The following XRCC4 variants were observed in gnomAD, a reference collection of about 807,000 sequenced individuals.
XRCC4 encodes DNA repair protein XRCC4.
In XRCC4, 28 loss-of-function variants were observed where a neutral mutation model predicts 39.1. The observed-to-expected ratio is 0.72, with a 90% CI of 0.53 to 0.98. The LOEUF (loss-of-function observed/expected upper bound fraction) is 0.98. Among genes scored for constraint, XRCC4 ranks in the 50% least tolerant of loss-of-function variants. The probability of loss-of-function intolerance (pLI) is 0.00; values close to 1 mark genes in which losing one functional copy is unlikely to be tolerated. For missense variants in XRCC4, 350 were observed against 376.4 expected (o/e 0.93, Z 0.58); for synonymous variants, 123 against 126.4 (o/e 0.97, Z 0.18).
intron 7 of XRCC4, among the ~76,000 whole-genome samples, chr5:83,309,296 A>AAAATATAT (rs1561467702): frequency 5.5e-5 from 4 of 72,218 alleles, no homozygotes; most frequent in African/African-American, 2.6e-4. Flanking sequence ...AAAAAAAAAA[A>AAAATATAT]ATATATATAT....
At chr5:83,188,746 A>T (rs771666704) in intron 3 of XRCC4, among the ~76,000 whole-genome samples, 7 of 152,158 alleles carry the variant, frequency 4.6e-5, no homozygotes, top group Non-Finnish European at 7.3e-5. Flanking sequence ...GGCAGTTTTC[A>T]GCTTATTTTT....
intron 1 of XRCC4, among the ~76,000 whole-genome samples, chr5:83,092,527 T>G (rs182423421): frequency 1.8e-3 from 269 of 152,216 alleles, no homozygotes; most frequent in African/African-American, 6.2e-3. Context: ...GTGTGTAGAG[T>G]AATTTTATTC....
chr5:83,124,640 G>A (rs1048631752), intron 3 of XRCC4, among the ~76,000 whole-genome samples: 1 of 152,112 alleles, frequency 6.6e-6, no homozygotes, highest in Non-Finnish European at 1.5e-5. Context: ...TTAGTACAAG[G>A]GTTGGCAAAC....
chr5:83,348,016 T>C (rs1756966537), intron 7 of XRCC4, among the ~76,000 whole-genome samples: 1 of 152,144 alleles, frequency 6.6e-6, no homozygotes, highest in Admixed American at 6.5e-5. Context: ...TGACTCCATG[T>C]CTCACATCCA....
intron 3 of XRCC4, among the ~76,000 whole-genome samples, chr5:83,130,534 A>G (rs1747518528): frequency 6.6e-6 from 1 of 152,168 alleles, no homozygotes; most frequent in Non-Finnish European, 1.5e-5. Flanking sequence ...GAGTAGTTTC[A>G]GAAGGAATGG....
intron 7 of XRCC4, among the ~76,000 whole-genome samples, chr5:83,260,429 G>A (rs1753709319): frequency 6.6e-6 from 1 of 152,028 alleles, no homozygotes; most frequent in African/African-American, 2.4e-5. Flanking sequence ...CACAGCTCCT[G>A]TCCTCATGGA....
intron 7 of XRCC4, among the ~76,000 whole-genome samples, chr5:83,295,725 C>T (rs11954145): frequency 0.016 from 2,364 of 152,088 alleles, 65 homozygotes; most frequent in African/African-American, 0.053. Flanking sequence ...TGCACGCACA[C>T]GCACACGCAC....
intron 1 of XRCC4, among the ~76,000 whole-genome samples, chr5:83,102,978 A>G (rs865798566): frequency 2.9e-5 from 4 of 138,072 alleles, no homozygotes; most frequent in South Asian, 2.4e-4. Context: ...GTTAGTTGCT[A>G]TATTCATAGG....
intron 3 of XRCC4, among the ~76,000 whole-genome samples, chr5:83,161,179 C>T (rs992560240): frequency 1.4e-5 from 2 of 148,016 alleles, no homozygotes; most frequent in Admixed American, 6.9e-5. Context: ...GGTGTGATTT[C>T]GGCTCACTGC....
intron 3 of XRCC4, among the ~76,000 whole-genome samples, chr5:83,129,242 C>T (rs922886235): frequency 6.3e-5 from 9 of 142,196 alleles, no homozygotes; most frequent in East Asian, 2.0e-4. Flanking sequence ...AATCCTTTCC[C>T]CATTGCTTGT....
At chr5:83,134,699 T>TG (rs1273905840) in intron 3 of XRCC4, among the ~76,000 whole-genome samples, 1 of 152,180 alleles carries the variant, frequency 6.6e-6, no homozygotes, top group Non-Finnish European at 1.5e-5. Context: ...CGGGTACCCT[T>TG]GCGTGTTGTG....
At chr5:83,095,947 G>T (rs12109517) in intron 1 of XRCC4, among the ~76,000 whole-genome samples, 73,470 of 151,522 alleles carry the variant, frequency 0.48, 18,541 homozygotes, top group African/African-American at 0.62. Context: ...TCTGCTGTGG[G>T]ATGGAGGCAG....
At chr5:83,260,063 T>C (rs184480245) in intron 7 of XRCC4, among the ~76,000 whole-genome samples, 1 of 152,100 alleles carries the variant, frequency 6.6e-6, no homozygotes, top group African/African-American at 2.4e-5. Context: ...CTCCATACTA[T>C]GCTGTATCCC....
intron 7 of XRCC4, among the ~76,000 whole-genome samples, chr5:83,345,482 A>G (rs1756891946): frequency 6.6e-6 from 1 of 152,158 alleles, no homozygotes; most frequent in South Asian, 2.1e-4. Flanking sequence ...ATAACAGTTG[A>G]GTTTTTAAAT....
rs371828106 is a variant in XRCC4, at chr5:83,292,233, A to C, written c.893+33556A>C. ...AGCCCTTGCCTAAGATTCACGGTGC[A>C]CATTGTCATGTTGGCATTATTGAAC... On this transcript the variant is annotated intron_variant, in intron 7 of 7. Transcript: ENST00000396027. 7.2e-5 allele frequency among the ~76,000 whole-genome samples: 11 copies of C among 151,952 alleles called. No homozygotes were observed. The South Asian group carries it at 8.3e-4, about 11-fold the overall frequency.
At chr5:83,098,404 G>C (rs1270578391) in intron 1 of XRCC4, among the ~76,000 whole-genome samples, 1 of 151,992 alleles carries the variant, frequency 6.6e-6, no homozygotes, top group Non-Finnish European at 1.5e-5. Context: ...TCTAGGTCTT[G>C]GGACTTTGTT....
intron 7 of XRCC4, among the ~76,000 whole-genome samples, chr5:83,271,029 A>G (rs961654664): frequency 3.3e-5 from 5 of 152,062 alleles, no homozygotes; most frequent in Admixed American, 3.3e-4. Flanking sequence ...CCATTTAATC[A>G]ACTACTAACT....
At chr5:83,234,027 G>A (rs1210462208) in intron 6 of XRCC4, among the ~76,000 whole-genome samples, 3 of 152,072 alleles carry the variant, frequency 2.0e-5, no homozygotes, top group South Asian at 2.1e-4. Flanking sequence ...CTTTGCTCAC[G>A]AATACAGGCG....
At chr5:83,234,572 T>C (rs927276532) in intron 6 of XRCC4, among the ~76,000 whole-genome samples, 2 of 152,100 alleles carry the variant, frequency 1.3e-5, no homozygotes, top group Non-Finnish European at 2.9e-5. Flanking sequence ...TTCTATCTGA[T>C]TTTTGAGAGG....
Sources: gnomAD v4.1 joint callset for allele counts (sites outside exome capture counted in the v4.1 genomes callset) on GRCh38, gnomAD v4.1.1 for gene constraint, MANE v1.5 for transcripts, NCBI Gene and HGNC (gene_info 2026-07-23, HGNC 2026-07-21) for gene names.